SLC9A2: variants seen among roughly 807,000 people sequenced by gnomAD.
SLC9A2 encodes solute carrier family 9 member A2, also known as sodium/hydrogen exchanger 2.
A neutral mutation model predicts 71.7 loss-of-function variants in SLC9A2; 42 were observed. The observed-to-expected ratio is 0.59, with a 90% CI of 0.46 to 0.76. SLC9A2 has a LOEUF of 0.76. SLC9A2 is among the 30% of genes least tolerant of loss of function. SLC9A2 has a pLI of 0.00. For synonymous variants in SLC9A2, 396 were observed against 392.5 expected (o/e 1.01, Z -0.10); for missense variants, 829 against 1,017.4 (o/e 0.81, Z 2.52).
rs561408805 is a variant in SLC9A2, at chr2:102,635,057, T to A, written c.289+14920T>A. On this transcript the variant is annotated intron_variant, in intron 1 of 11. Coordinates refer to ENST00000233969, the MANE Select transcript of SLC9A2 (RefSeq NM_003048.6). The stretch of plus-strand genomic sequence containing the variant: ...CCTTTTGTGCTTTTTGTACAAATAG[T>A]GTTTCTTTCAGAATCTAGATTGGAA... Among the ~76,000 whole-genome samples the A allele has an allele frequency of 5.5e-4, 84 of 152,354 alleles. 1 individual carries two copies. Among genetic ancestry groups the A allele is most frequent in the African/African-American group, 1.8e-3 (73 of 41,588 alleles).
In SLC9A2 at chr2:102,621,897, G is replaced by C. The variant is rs538134906; in HGVS notation, c.289+1760G>C. ...AACATTCCAGAGAGGACTGAACAAA[G>C]ACATAAATTGGGAGAGGAGTGCAAA... is the stretch of plus-strand genomic sequence containing the variant. On this transcript the variant is annotated intron_variant, in intron 1 of 11. Coordinates refer to ENST00000233969, the MANE Select transcript of SLC9A2 (RefSeq NM_003048.6). 2.0e-5 allele frequency among the ~76,000 whole-genome samples: 3 copies of C among 152,324 alleles called. No individual in the cohort carries two copies. In the South Asian group the frequency reaches 6.2e-4, roughly 32 times the overall value.
intron 5 of SLC9A2, among the ~76,000 whole-genome samples, chr2:102,691,951 A>G (rs1035886935): frequency 2.0e-5 from 3 of 152,252 alleles, no homozygotes; most frequent in African/African-American, 7.2e-5. Flanking sequence ...GAGCACGTGA[A>G]ACAGCAGCTT....
Position 102,710,612 on chromosome 2 carries a change from T to C in SLC9A2, c.*2123T>C, listed in dbSNP as rs1678087909. ...AAATCTTAATTATTATCAGTTTAAA[T>C]TTTTTTTGTTTGTTGAATGACAAAG... On this transcript the variant is annotated 3_prime_UTR_variant, in exon 12 of 12. Transcript: ENST00000233969. The C allele has an allele frequency of 6.6e-6, 1 of 151,892 alleles. No homozygotes were observed. Among genetic ancestry groups the C allele is most frequent in the South Asian group, 2.1e-4 (1 of 4,824 alleles). The allele number at this position is 151,892 out of a possible 1,614,324, so 9.4% of individuals were successfully genotyped here. A position where few individuals can be genotyped will look rare whatever the true frequency, so the allele number is the denominator to read the frequency against.
rs1678079116 is a variant in SLC9A2, at chr2:102,710,239, T to C, written c.*1750T>C. 1 of 152,598 alleles carries C rather than the reference T, an allele frequency of 6.6e-6. No homozygotes were observed. Among genetic ancestry groups the C allele is most frequent in the Non-Finnish European group, 1.5e-5 (1 of 68,034 alleles). The allele number at this position is 152,598 out of a possible 1,614,324, so 9.5% of individuals were successfully genotyped here. A position where few individuals can be genotyped will look rare whatever the true frequency, so the allele number is the denominator to read the frequency against. On this transcript the variant is annotated 3_prime_UTR_variant, in exon 12 of 12. Coordinates refer to ENST00000233969, the MANE Select transcript of SLC9A2 (RefSeq NM_003048.6). The stretch of plus-strand genomic sequence containing the variant: ...TTAAATGAAAATATTTATATAAAAA[T>C]ACATTTATTCTGCTTAACACAAATT...
At chr2:102,622,010 G>T (rs768130967) in intron 1 of SLC9A2, among the ~76,000 whole-genome samples, 1 of 152,146 alleles carries the variant, frequency 6.6e-6, no homozygotes, top group East Asian at 1.9e-4. Context: ...ATTAATTAGA[G>T]TCTATTAGTG....
At chr2:102,640,624 C>G (rs1292027293) in intron 1 of SLC9A2, among the ~76,000 whole-genome samples, 2 of 152,166 alleles carry the variant, frequency 1.3e-5, no homozygotes, top group Non-Finnish European at 2.9e-5. Flanking sequence ...TCTATTTCCT[C>G]TCAGCATGCA....
At chr2:102,633,905 C>T (rs1676420417) in intron 1 of SLC9A2, among the ~76,000 whole-genome samples, 1 of 151,986 alleles carries the variant, frequency 6.6e-6, no homozygotes, top group African/African-American at 2.4e-5. Flanking sequence ...TTTCATTGCA[C>T]ACACATACAC....
intron 5 of SLC9A2, among the ~76,000 whole-genome samples, chr2:102,692,463 T>TC (rs1677682135): frequency 6.6e-6 from 1 of 152,146 alleles, no homozygotes; most frequent in South Asian, 2.1e-4. Flanking sequence ...CTACCCTCTG[T>TC]CCCTGAAATC....
chr2:102,680,602 C>T (rs552837107), intron 3 of SLC9A2, among the ~76,000 whole-genome samples: 1 of 152,218 alleles, frequency 6.6e-6, no homozygotes, highest in South Asian at 2.1e-4. Flanking sequence ...CCGGGCCATG[C>T]ACTTGGTTCA....
intron 3 of SLC9A2, among the ~76,000 whole-genome samples, chr2:102,670,028 A>T (rs1022227206): frequency 1.1e-5 from 1 of 87,354 alleles, no homozygotes; most frequent in African/African-American, 5.5e-5. Context: ...TTATTTTTTT[A>T]TTTTTATTTT....
intron 1 of SLC9A2, 64 bp downstream of exon 1, chr2:102,620,201 C>A: frequency 6.9e-7 from 1 of 1,451,194 alleles, no homozygotes; most frequent in Non-Finnish European, 9.4e-7. Flanking sequence ...TGGAGGGTGA[C>A]CGGGTCAGCC....
At chr2:102,655,446 G>A (rs776558014) in intron 1 of SLC9A2, among the ~76,000 whole-genome samples, 14 of 152,138 alleles carry the variant, frequency 9.2e-5, no homozygotes, top group Non-Finnish European at 1.3e-4. Context: ...GAGTCACCAC[G>A]CCTGGCCTAT....
At chr2:102,680,461 T>A (rs1677432107) in intron 3 of SLC9A2, among the ~76,000 whole-genome samples, 1 of 152,142 alleles carries the variant, frequency 6.6e-6, no homozygotes, top group African/African-American at 2.4e-5. Context: ...CAGATGCCAC[T>A]TTCCAGGCTG....
rs373967728 is a variant in SLC9A2, at chr2:102,662,536, A to T, written c.754-2564A>T. The stretch of plus-strand genomic sequence containing the variant: ...GATCATCTGTGGTGCAGGAGGTCAG[A>T]GAGCTGGGTATTTGCAAAGGCTGGA... On this transcript the variant is annotated intron_variant, in intron 2 of 11. Coordinates refer to ENST00000233969, the MANE Select transcript of SLC9A2 (RefSeq NM_003048.6). Among the ~76,000 whole-genome samples, 4 of 152,178 alleles carry T rather than the reference A, an allele frequency of 2.6e-5. No homozygotes were observed. The South Asian group carries it at 6.2e-4, about 24-fold the overall frequency.
At position 102,708,646 on chromosome 2, in the gene SLC9A2, C is replaced by A; in HGVS notation, c.*157C>A. On this transcript the variant is annotated 3_prime_UTR_variant, in exon 12 of 12. Transcript: ENST00000233969. ...CATGCCACGGATAAATGAGGCAAATCCGAAGAAAAGGAAAATCGAATAAAA... is the reference window on the plus strand; with the variant it reads ...CATGCCACGGATAAATGAGGCAAATACGAAGAAAAGGAAAATCGAATAAAA... 1.2e-6 allele frequency: 1 copy of A among 819,112 alleles called. No individual in the cohort carries two copies. The allele number at this position is 819,112 out of a possible 1,614,324, so 50.7% of individuals were successfully genotyped here. A position where few individuals can be genotyped will look rare whatever the true frequency, so the allele number is the denominator to read the frequency against.
chr2:102,662,446 T>C (rs982483392), intron 2 of SLC9A2, among the ~76,000 whole-genome samples: 1 of 152,064 alleles, frequency 6.6e-6, no homozygotes, highest in African/African-American at 2.4e-5. Context: ...TCTAGTTTTG[T>C]TGGGGACATG....
intron 3 of SLC9A2, among the ~76,000 whole-genome samples, chr2:102,669,744 C>T (rs563637845): frequency 8.5e-5 from 13 of 152,266 alleles, no homozygotes; most frequent in African/African-American, 3.1e-4. Flanking sequence ...ACTTTCTTTA[C>T]CCAAGGACAC....
At chr2:102,627,875 A>G (rs906988735) in intron 1 of SLC9A2, among the ~76,000 whole-genome samples, 3 of 152,192 alleles carry the variant, frequency 2.0e-5, no homozygotes, top group East Asian at 3.8e-4. Context: ...ATTTAAAAAC[A>G]TAATTAATAT....
At chr2:102,636,222 CAG>C (rs1676466983) in intron 1 of SLC9A2, among the ~76,000 whole-genome samples, 1 of 152,130 alleles carries the variant, frequency 6.6e-6, no homozygotes, top group South Asian at 2.1e-4. Context: ...AACTTGGTAA[CAG>C]AAGTCAGGGA....
Sources: allele counts gnomAD v4.1 joint callset (sites outside exome capture counted in the v4.1 genomes callset), GRCh38; gene constraint gnomAD v4.1.1; transcripts MANE v1.5; gene names NCBI Gene and HGNC (gene_info 2026-07-23, HGNC 2026-07-21).